The following DUSP29 variants were observed in gnomAD, a reference collection of about 807,000 sequenced individuals.
DUSP29 encodes dual specificity phosphatase 29.
DUSP29 carries 12 observed loss-of-function variants against 13.5 expected under a neutral mutation model. The ratio of observed to expected loss-of-function variants is 0.89; its 90% CI spans 0.57 to 1.44. The LOEUF (loss-of-function observed/expected upper bound fraction) is 1.44, where lower values mean the gene tolerates loss of function less well. DUSP29 is among the 40% of genes most tolerant of loss of function. The pLI is 0.00. For synonymous variants in DUSP29, 134 were observed against 128.7 expected, an observed-to-expected ratio of 1.04 and a Z score of -0.28; for missense variants, 308 against 301.1, an observed-to-expected ratio of 1.02 and a Z score of -0.17.
In DUSP29 at chr10:75,041,273, C is replaced by T. The variant is rs117930873; in HGVS notation, c.421+2524G>A. On this transcript the variant is annotated intron_variant, in intron 3 of 3. Coordinates refer to ENST00000338487, the MANE Select transcript of DUSP29 (RefSeq NM_001003892.3). ...GCATTTTGTTTGGTTGCTCTGGCCA[C>T]TCAGGGCACAGGTTACAACCTGATG... Among the ~76,000 whole-genome samples the T allele has an allele frequency of 3.9e-4, 60 of 152,318 alleles. 3 individuals carry two copies. In the East Asian group the frequency reaches 0.012, roughly 29 times the overall value.
At chr10:75,044,243 T>C (rs1004068040) in intron 2 of DUSP29, among the ~76,000 whole-genome samples, 1 of 152,110 alleles carries the variant, frequency 6.6e-6, no homozygotes, top group Non-Finnish European at 1.5e-5. Flanking sequence ...GAGGCTGGGG[T>C]AGGCAAGCTG....
intron 1 of DUSP29, among the ~76,000 whole-genome samples, chr10:75,061,794 G>T (rs991923583): frequency 1.3e-5 from 2 of 152,196 alleles, no homozygotes; most frequent in Non-Finnish European, 2.9e-5. Context: ...TGTCTGGCAC[G>T]TAAGAGGTGC....
rs1043380857 is a variant in DUSP29 at position 75,050,540 on chromosome 10, C to A, written c.201-6523G>T. On this transcript the variant is annotated intron_variant, in intron 2 of 3. Coordinates refer to ENST00000338487, the MANE Select transcript of DUSP29 (RefSeq NM_001003892.3). ...ATTTTATTTTAGAGCTGGAAGGGAA[C>A]CTTCGAAATCATCCTTTATTTTACA... Among the ~76,000 whole-genome samples the A allele has an allele frequency of 3.0e-4, 46 of 152,352 alleles. 1 individual carries two copies. Among genetic ancestry groups the A allele is most frequent in the African/African-American group, 9.1e-4 (38 of 41,592 alleles).
In DUSP29 at chr10:75,073,629, G is replaced by A. The variant is rs375934682; in HGVS notation, c.-95C>T. On this transcript the variant is annotated 5_prime_UTR_variant, in exon 1 of 4. Transcript: ENST00000338487. ...CTGGTCCGTGGGGCATGTAGCAGCC[G>A]CACGCCCAGCCACCCCCACTGGCAA... 5.9e-5 allele frequency among the ~76,000 whole-genome samples: 9 copies of A among 152,186 alleles called. No homozygotes were observed. The highest frequency in any genetic ancestry group is 1.9e-4 in the African/African-American group (8 of 41,454).
chr10:75,044,658 G>A (rs1328776253), intron 2 of DUSP29, among the ~76,000 whole-genome samples: 6 of 152,230 alleles, frequency 3.9e-5, no homozygotes, highest in African/African-American at 1.2e-4. Flanking sequence ...GAAGCCAGCA[G>A]TGAAGTTATT....
At chr10:75,063,358 A>G (rs1847130070) in intron 1 of DUSP29, among the ~76,000 whole-genome samples, 1 of 150,330 alleles carries the variant, frequency 6.7e-6, no homozygotes, top group South Asian at 2.2e-4. Context: ...AAGTCACTGC[A>G]GCAGAAGTGG....
At chr10:75,069,340 A>T (rs1368397929) in intron 1 of DUSP29, among the ~76,000 whole-genome samples, 1 of 152,166 alleles carries the variant, frequency 6.6e-6, no homozygotes, top group Non-Finnish European at 1.5e-5. Context: ...CCAGACCATG[A>T]TGTCTGACCA....
chr10:75,060,014 G>A (rs914963433), intron 1 of DUSP29, among the ~76,000 whole-genome samples: 2 of 151,952 alleles, frequency 1.3e-5, no homozygotes, highest in Admixed American at 1.3e-4. Context: ...CAAAAAATTA[G>A]CCGGGTGTAG....
intron 2 of DUSP29, among the ~76,000 whole-genome samples, chr10:75,056,758 A>ACCAAGTAAC (rs1392104402): frequency 6.6e-6 from 1 of 152,222 alleles, no homozygotes; most frequent in African/African-American, 2.4e-5. Flanking sequence ...ATGCAAGTAA[A>ACCAAGTAAC]TTTAACACTG....
chr10:75,056,916 G>A (rs1453291672), intron 2 of DUSP29, among the ~76,000 whole-genome samples: 1 of 152,150 alleles, frequency 6.6e-6, no homozygotes, highest in Non-Finnish European at 1.5e-5. Flanking sequence ...GGCAAGGGAT[G>A]CTTACCCTGG....
intron 2 of DUSP29, among the ~76,000 whole-genome samples, chr10:75,050,947 T>A (rs1846814579): frequency 6.6e-6 from 1 of 152,214 alleles, no homozygotes; most frequent in Non-Finnish European, 1.5e-5. Flanking sequence ...TTCCCTGGGC[T>A]GCTGAGCAGT....
intron 1 of DUSP29, among the ~76,000 whole-genome samples, chr10:75,071,931 C>A (rs1847338144): frequency 6.6e-6 from 1 of 152,222 alleles, no homozygotes; most frequent in African/African-American, 2.4e-5. Flanking sequence ...GAAGATCACG[C>A]CGACAGGCAC....
At chr10:75,054,883 A>G (rs1846921715) in intron 2 of DUSP29, among the ~76,000 whole-genome samples, 1 of 152,012 alleles carries the variant, frequency 6.6e-6, no homozygotes, top group African/African-American at 2.4e-5. Flanking sequence ...TCTGTCACCC[A>G]GACTAGAGTG....
intron 2 of DUSP29, among the ~76,000 whole-genome samples, chr10:75,056,118 C>T (rs1846953056): frequency 6.6e-6 from 1 of 152,070 alleles, no homozygotes; most frequent in Non-Finnish European, 1.5e-5. Context: ...ACTATTTTGT[C>T]CAGGCTAATC....
At chr10:75,044,136 G>T in intron 2 of DUSP29, 119 bp from the exon 3 acceptor site, 1 of 946,172 alleles carries the variant, frequency 1.1e-6, no homozygotes, top group Non-Finnish European at 1.6e-6. Flanking sequence ...ACTAGTTATT[G>T]CAAATGAAGT....
rs1322828441 is a variant in DUSP29 at position 75,037,851 on chromosome 10, ATCC to A, written c.645_647del (p.Glu215del). ...TGAGTCGGGCCTACAGCTCCCTGCC[ATCC>A]TCCTCCTCACCGTCCTGGCGCTGGG... is the stretch of plus-strand genomic sequence containing the variant. On this transcript the variant is annotated inframe_deletion, in exon 4 of 4. Coordinates refer to ENST00000338487, the MANE Select transcript of DUSP29 (RefSeq NM_001003892.3). 1 of 1,606,846 alleles carries A rather than the reference ATCC, an allele frequency of 6.2e-7. No individual in the cohort carries two copies. Among genetic ancestry groups the A allele is most frequent in the South Asian group, 1.1e-5 (1 of 90,864 alleles).
intron 2 of DUSP29, among the ~76,000 whole-genome samples, chr10:75,045,835 C>G (rs186400559): frequency 6.6e-6 from 1 of 152,142 alleles, no homozygotes; most frequent in African/African-American, 2.4e-5. Context: ...TCTGGCCAGA[C>G]AAGGTGGCTC....
intron 3 of DUSP29, among the ~76,000 whole-genome samples, chr10:75,041,434 C>G (rs1387250412): frequency 6.6e-6 from 1 of 152,186 alleles, no homozygotes; most frequent in Non-Finnish European, 1.5e-5. Flanking sequence ...TTTGCACTGA[C>G]TCTCACAAGA....
At chr10:75,071,802 C>G (rs1847333482) in intron 1 of DUSP29, among the ~76,000 whole-genome samples, 1 of 152,226 alleles carries the variant, frequency 6.6e-6, no homozygotes, top group African/African-American at 2.4e-5. Context: ...CAAGACCACC[C>G]TGGCCCGCCA....
Sources: allele counts gnomAD v4.1 joint callset (sites outside exome capture counted in the v4.1 genomes callset), GRCh38; gene constraint gnomAD v4.1.1; transcripts MANE v1.5; gene names NCBI Gene and HGNC (gene_info 2026-07-23, HGNC 2026-07-21).